The following ASIC2 variants were observed in gnomAD, a reference collection of about 807,000 sequenced individuals.
ASIC2 encodes acid-sensing ion channel 2.
A neutral mutation model predicts 57.3 loss-of-function variants in ASIC2; 25 were observed. The observed-to-expected ratio is 0.44, with a 90% CI of 0.32 to 0.61. The LOEUF is 0.61. Among genes scored for constraint, ASIC2 ranks in the 20% least tolerant of loss-of-function variants. ASIC2 has a pLI of 0.06. For missense variants in ASIC2, 641 were observed against 738.1 expected (o/e 0.87, Z 1.52); for synonymous variants, 319 against 307.5 (o/e 1.04, Z -0.39).
intron 1 of ASIC2, among the ~76,000 whole-genome samples, chr17:33,443,326 T>C (rs1911889279): frequency 6.6e-6 from 1 of 152,010 alleles, no homozygotes; most frequent in African/African-American, 2.4e-5. Flanking sequence ...TTGGGTATTG[T>C]TTCTTCTTTA....
At chr17:34,059,466 A>G (rs1010968255) in intron 1 of ASIC2, among the ~76,000 whole-genome samples, 1 of 152,204 alleles carries the variant, frequency 6.6e-6, no homozygotes, top group Non-Finnish European at 1.5e-5. Flanking sequence ...CTTTTTAACA[A>G]CTTCAGTGGG....
chr17:33,191,126 T>A (rs1906401569), intron 1 of ASIC2, among the ~76,000 whole-genome samples: 1 of 152,094 alleles, frequency 6.6e-6, no homozygotes. Flanking sequence ...ACCTACACAA[T>A]AGAAATATGT....
intron 1 of ASIC2, among the ~76,000 whole-genome samples, chr17:33,574,202 T>A (rs1916545023): frequency 6.6e-6 from 1 of 152,236 alleles, no homozygotes; most frequent in South Asian, 2.1e-4. Flanking sequence ...CATCAATTAG[T>A]ACTTGGCACT....
intron 1 of ASIC2, among the ~76,000 whole-genome samples, chr17:33,798,791 A>G (rs1371261100): frequency 6.6e-6 from 1 of 151,728 alleles, no homozygotes; most frequent in East Asian, 1.9e-4. Flanking sequence ...ATCAATGATG[A>G]CTCTTTGGAA....
intron 1 of ASIC2, among the ~76,000 whole-genome samples, chr17:33,448,435 T>A (rs138352515): frequency 2.2e-3 from 336 of 152,318 alleles, no homozygotes; most frequent in African/African-American, 7.8e-3. Context: ...AAGGAAATTA[T>A]CCTGGATTGG....
chr17:33,596,237 A>G (rs953764649), intron 1 of ASIC2, among the ~76,000 whole-genome samples: 6 of 152,046 alleles, frequency 3.9e-5, no homozygotes, highest in African/African-American at 4.8e-5. Flanking sequence ...TCCTCTAATT[A>G]TCAACATGTA....
intron 1 of ASIC2, among the ~76,000 whole-genome samples, chr17:33,273,823 A>C (rs59006532): frequency 6.6e-6 from 1 of 151,356 alleles, no homozygotes; most frequent in African/African-American, 2.4e-5. Context: ...GGGGCCGGAG[A>C]GGGGCAGGAA....
intron 1 of ASIC2, among the ~76,000 whole-genome samples, chr17:33,364,224 C>A (rs1019474368): frequency 1.3e-5 from 2 of 152,182 alleles, no homozygotes; most frequent in African/African-American, 4.8e-5. Flanking sequence ...AACCAACTGA[C>A]TTTGGCCAAG....
chr17:33,061,523 T>C (rs775789420), intron 3 of ASIC2, among the ~76,000 whole-genome samples: 34 of 152,204 alleles, frequency 2.2e-4, no homozygotes, highest in Admixed American at 6.5e-4. Context: ...AACTTGATCA[T>C]GGTGGATAAG....
intron 1 of ASIC2, among the ~76,000 whole-genome samples, chr17:33,965,440 T>A (rs559639248): frequency 1.3e-5 from 2 of 152,026 alleles, no homozygotes; most frequent in Non-Finnish European, 2.9e-5. Context: ...TCCTGAATAA[T>A]TGTAATATAA....
chr17:33,802,254 T>C (rs1289829820), intron 1 of ASIC2, among the ~76,000 whole-genome samples: 2 of 152,212 alleles, frequency 1.3e-5, no homozygotes, highest in Non-Finnish European at 2.9e-5. Context: ...AGTAACATGC[T>C]GTATAGGTTT....
intron 1 of ASIC2, among the ~76,000 whole-genome samples, chr17:33,769,266 G>A (rs2951669): frequency 0.3 from 45,441 of 152,128 alleles, 8,741 homozygotes; most frequent in Non-Finnish European, 0.45. Context: ...GGGGCTTCAG[G>A]CTCACAGGCA....
intron 1 of ASIC2, among the ~76,000 whole-genome samples, chr17:33,133,066 G>T (rs1422910827): frequency 6.6e-6 from 1 of 152,256 alleles, no homozygotes; most frequent in Non-Finnish European, 1.5e-5. Flanking sequence ...ACAGCAGAAA[G>T]AAATGCATGG....
intron 1 of ASIC2, among the ~76,000 whole-genome samples, chr17:33,126,750 C>T (rs1247836942): frequency 1.3e-5 from 2 of 152,040 alleles, no homozygotes; most frequent in East Asian, 1.9e-4. Context: ...TGCACCACTG[C>T]ACTCCAGCCT....
At chr17:33,792,634 G>A (rs1056831058) in intron 1 of ASIC2, 2 of 152,166 alleles carry the variant, frequency 1.3e-5, no homozygotes, top group African/African-American at 4.8e-5. Context: ...TGGGTGCCTT[G>A]TAATGCCTTC....
chr17:33,194,034 G>A (rs777455847), intron 1 of ASIC2, among the ~76,000 whole-genome samples: 17 of 152,218 alleles, frequency 1.1e-4, no homozygotes, highest in Middle Eastern at 3.4e-3. Context: ...TTGGCAGGGG[G>A]AGGGCCGTAT....
At chr17:33,169,846 C>T (rs1368914804) in intron 1 of ASIC2, among the ~76,000 whole-genome samples, 2 of 152,244 alleles carry the variant, frequency 1.3e-5, no homozygotes, top group African/African-American at 4.8e-5. Flanking sequence ...TCACGGCTAC[C>T]TCTGGTAGCT....
intron 1 of ASIC2, among the ~76,000 whole-genome samples, chr17:33,499,962 CAA>C (rs938428194): frequency 1.2e-4 from 18 of 152,186 alleles, no homozygotes; most frequent in African/African-American, 3.9e-4. Context: ...TAGAAGCCAA[CAA>C]GTTAACTTTT....
At chr17:33,283,615 C>A (rs1038724717) in intron 1 of ASIC2, among the ~76,000 whole-genome samples, 1 of 152,164 alleles carries the variant, frequency 6.6e-6, no homozygotes, top group Non-Finnish European at 1.5e-5. Flanking sequence ...CCGACACTGA[C>A]CAGCAACAGA....
Sources: gnomAD v4.1 joint callset for allele counts (sites outside exome capture counted in the v4.1 genomes callset) on GRCh38, gnomAD v4.1.1 for gene constraint, MANE v1.5 for transcripts, NCBI Gene and HGNC (gene_info 2026-07-23, HGNC 2026-07-21) for gene names.